Variants in RYK observed in about 807,000 individuals in gnomAD.
RYK encodes inactive tyrosine-protein kinase RYK.
In RYK, 21 loss-of-function variants were observed where a neutral mutation model predicts 70.2. The ratio of observed to expected loss-of-function variants is 0.30; its 90% CI spans 0.21 to 0.43. RYK has a LOEUF of 0.43. RYK is among the 20% of genes least tolerant of loss of function. RYK has a pLI of 1.00. For synonymous variants in RYK, 267 were observed against 278.0 expected, an observed-to-expected ratio of 0.96 and a Z score of 0.39; for missense variants, 604 against 753.3, an observed-to-expected ratio of 0.80 and a Z score of 2.32.
At chr3:134,233,182 C>G (rs1560026999) in intron 1 of RYK, among the ~76,000 whole-genome samples, 1 of 152,158 alleles carries the variant, frequency 6.6e-6, no homozygotes, top group East Asian at 1.9e-4. Context: ...ACTGGGCTGC[C>G]CAAGTGATCT....
chr3:134,188,616 T>G (rs542448041), intron 9 of RYK, among the ~76,000 whole-genome samples: 85 of 152,370 alleles, frequency 5.6e-4, no homozygotes, highest in Middle Eastern at 3.4e-3. Context: ...AAATGTCTTA[T>G]GTCTTAATTT....
At chr3:134,239,219 G>A (rs1348742755) in intron 1 of RYK, among the ~76,000 whole-genome samples, 2 of 152,146 alleles carry the variant, frequency 1.3e-5, no homozygotes, top group African/African-American at 4.8e-5. Context: ...CAGCACTTTG[G>A]GAGGCCAAGG....
At chr3:134,209,280 A>G (rs1204645844) in intron 4 of RYK, among the ~76,000 whole-genome samples, 2 of 152,236 alleles carry the variant, frequency 1.3e-5, no homozygotes, top group Non-Finnish European at 2.9e-5. Context: ...ACTTGTATCA[A>G]TATCCTGAAA....
At chr3:134,182,611 G>C (rs969281458) in intron 10 of RYK, among the ~76,000 whole-genome samples, 1 of 152,054 alleles carries the variant, frequency 6.6e-6, no homozygotes, top group Middle Eastern at 3.2e-3. Context: ...CTAGAAGGAA[G>C]ATTTATTCAT....
chr3:134,206,950 A>T (rs1284908777), intron 5 of RYK, among the ~76,000 whole-genome samples: 1 of 152,192 alleles, frequency 6.6e-6, no homozygotes, highest in Non-Finnish European at 1.5e-5. Context: ...CTACCGCAAG[A>T]AGAGTAAGAC....
rs1376741818 is a variant in RYK, at chr3:134,211,603, T to A, written c.359A>T (p.Glu120Val). Reference sequence around the variant, plus strand: ...GTCCACTTGGAATCCCAGCTTATATTCAACCTGTAAAATAGACAAAAATAA... The same window carrying A: ...GTCCACTTGGAATCCCAGCTTATATACAACCTGTAAAATAGACAAAAATAA... ...HFTWHAKSKVEYKLGFQVDNV... is the reference protein window; with the variant it reads ...HFTWHAKSKVVYKLGFQVDNV... Residue 120 changes from glutamate to valine, a missense_variant, in exon 3 of 15, where the codon GAA (glutamate) becomes GTA (valine). Physicochemically the swap from Glu to Val is moderately radical, Grantham distance 121 (BLOSUM62 -2). Around this residue, in one of 2 missense-constraint regions of RYK, gnomAD observed 466 missense variants for 535.9 expected, o/e 0.87. Transcript: ENST00000623711. 1 of 1,611,074 alleles carries A rather than the reference T, an allele frequency of 6.2e-7. No individual in the cohort carries two copies. Among genetic ancestry groups the A allele is most frequent in the African/African-American group, 1.3e-5 (1 of 74,854 alleles).
intron 2 of RYK, among the ~76,000 whole-genome samples, chr3:134,215,021 A>G (rs1401615725): frequency 1.3e-5 from 2 of 152,162 alleles, no homozygotes; most frequent in Admixed American, 6.5e-5. Context: ...CAAGTGTCCA[A>G]TTACCTACTA....
intron 1 of RYK, among the ~76,000 whole-genome samples, chr3:134,241,129 G>A (rs2015314119): frequency 6.9e-6 from 1 of 144,930 alleles, no homozygotes; most frequent in Admixed American, 7.1e-5. Context: ...GAAGTCAGGA[G>A]TTCGAGACCA....
At chr3:134,245,145 A>G (rs1233006596) in intron 1 of RYK, among the ~76,000 whole-genome samples, 2 of 152,230 alleles carry the variant, frequency 1.3e-5, no homozygotes, top group Non-Finnish European at 2.9e-5. Flanking sequence ...ATGACAGTAC[A>G]TAACACAGGG....
intron 5 of RYK, among the ~76,000 whole-genome samples, chr3:134,204,739 T>G (rs549230570): frequency 6.6e-6 from 1 of 152,084 alleles, no homozygotes; most frequent in African/African-American, 2.4e-5. Context: ...CATGAAAGAT[T>G]TGATCACGAG....
chr3:134,221,394 G>A (rs1468923524), intron 2 of RYK, among the ~76,000 whole-genome samples: 3 of 151,496 alleles, frequency 2.0e-5, no homozygotes, highest in Non-Finnish European at 4.4e-5. Context: ...TAGTAGAGAT[G>A]GGGTTTCACC....
At chr3:134,199,502 GTTAT>G (rs1203260637) in intron 6 of RYK, among the ~76,000 whole-genome samples, 6 of 152,186 alleles carry the variant, frequency 3.9e-5, no homozygotes, top group Non-Finnish European at 4.4e-5. Context: ...TCCTGAAAAA[GTTAT>G]TTAATCTCTT....
At chr3:134,195,594 T>G (rs186047317) in intron 6 of RYK, among the ~76,000 whole-genome samples, 62 of 152,302 alleles carry the variant, frequency 4.1e-4, no homozygotes, top group Non-Finnish European at 7.2e-4. Flanking sequence ...CAATATCAAA[T>G]GGCCTACAGA....
At chr3:134,175,215 C>T (rs150598556) in intron 13 of RYK, among the ~76,000 whole-genome samples, 2,331 of 152,244 alleles carry the variant, frequency 0.015, 28 homozygotes, top group Admixed American at 0.022. Context: ...TGGTGGCACA[C>T]GCCTGTAATC....
At chr3:134,217,307 G>A (rs2014586894) in intron 2 of RYK, among the ~76,000 whole-genome samples, 1 of 152,202 alleles carries the variant, frequency 6.6e-6, no homozygotes, top group Non-Finnish European at 1.5e-5. Flanking sequence ...CCTTCTGAAA[G>A]TTCATGATTA....
chr3:134,158,511 C>A (rs1370141991), intron 14 of RYK, among the ~76,000 whole-genome samples: 1 of 152,172 alleles, frequency 6.6e-6, no homozygotes, highest in African/African-American at 2.4e-5. Context: ...ACAGAGATTT[C>A]ATGTAAAAAC....
At chr3:134,172,839 A>G (rs2012967532) in intron 13 of RYK, among the ~76,000 whole-genome samples, 1 of 152,116 alleles carries the variant, frequency 6.6e-6, no homozygotes. Context: ...GAACCCTGGG[A>G]TTCAGTATCC....
rs528613012 is a variant in RYK at position 134,227,645 on chromosome 3, C to T, written c.233-5106G>A. On this transcript the variant is annotated intron_variant, in intron 1 of 14. Coordinates refer to ENST00000623711, the MANE Select transcript of RYK (RefSeq NM_002958.4). ...GCTGGTAGGATTATAAACTAGTACACCATTATGAAAAAGACTTTGGAGGTT... is the reference window on the plus strand; with the variant it reads ...GCTGGTAGGATTATAAACTAGTACATCATTATGAAAAAGACTTTGGAGGTT... 1.1e-3 allele frequency among the ~76,000 whole-genome samples: 169 copies of T among 151,876 alleles called. 1 individual carries two copies. Among genetic ancestry groups the T allele is most frequent in the Non-Finnish European group, 1.9e-3 (129 of 67,936 alleles).
chr3:134,172,414 G>T (rs990205713), intron 13 of RYK, among the ~76,000 whole-genome samples: 11 of 152,170 alleles, frequency 7.2e-5, no homozygotes, highest in Admixed American at 4.6e-4. Context: ...CCCACTCCAT[G>T]AAAATAGCTT....
Sources: gnomAD v4.1 joint callset for allele counts (sites outside exome capture counted in the v4.1 genomes callset) on GRCh38, gnomAD v4.1.1 for gene constraint, gnomAD v4.1.1 regional missense constraint, MANE v1.5 for transcripts, NCBI Gene and HGNC (gene_info 2026-07-23, HGNC 2026-07-21) for gene names.